EIF3B: variants seen among roughly 807,000 people sequenced by gnomAD.
The protein encoded by EIF3B is eukaryotic translation initiation factor 3 subunit 9.
Under a neutral mutation model 104.6 loss-of-function variants are expected in EIF3B, and 10 were observed. The ratio of observed to expected loss-of-function variants is 0.10; its 90% CI spans 0.06 to 0.16. EIF3B has a LOEUF of 0.16. EIF3B is among the 10% of genes least tolerant of loss of function. EIF3B has a pLI of 1.00. For missense variants in EIF3B, 1,014 were observed against 1,087.9 expected, an observed-to-expected ratio of 0.93 and a Z score of 0.96; for synonymous variants, 542 against 417.2, an observed-to-expected ratio of 1.30 and a Z score of -3.65.
At chr7:2,362,847 G>A (rs1779812871) in intron 3 of EIF3B, 83 bp downstream of exon 3, 7 of 1,580,364 alleles carry the variant, frequency 4.4e-6, no homozygotes, top group Non-Finnish European at 6.0e-6. Context: ...GCTTCTCGGT[G>A]CTGGTGTCTG....
At chr7:2,379,606 G>A (rs1780884829) in intron 18 of EIF3B, 95 bp downstream of exon 18, 2 of 770,980 alleles carry the variant, frequency 2.6e-6, no homozygotes, top group South Asian at 3.3e-5. Context: ...TTTAAGGCAG[G>A]GGTGAAGGGT....
chr7:2,357,512 CT>C (rs1413517962), intron 1 of EIF3B, among the ~76,000 whole-genome samples: 1 of 152,238 alleles, frequency 6.6e-6, no homozygotes, highest in Non-Finnish European at 1.5e-5. Context: ...CCTGGAGTCC[CT>C]GTCTTGCTTT....
In EIF3B at chr7:2,362,819, G is replaced by A. The variant is rs536347353; in HGVS notation, c.812+55G>A. 117 of 1,609,580 alleles carry A rather than the reference G, an allele frequency of 7.3e-5. No homozygotes were observed. In the East Asian group the frequency reaches 2.5e-3, roughly 34 times the overall value. On this transcript the variant is annotated intron_variant, in intron 3 of 18. Transcript: ENST00000360876. ...GACGTTGACGTGCAAGTGACTGGCTGTGTGCGGGTGGCTTGGTGCTTCTCG... is the reference window on the plus strand; with the variant it reads ...GACGTTGACGTGCAAGTGACTGGCTATGTGCGGGTGGCTTGGTGCTTCTCG...
At position 2,379,507 on chromosome 7, in the gene EIF3B, C is replaced by T. The variant is rs757250928; in HGVS notation, c.*10C>T. On this transcript the variant is annotated 3_prime_UTR_variant, in exon 18 of 19. Transcript: ENST00000360876. Reference sequence around the variant, plus strand: ...CGGGAATCAGGAGTGACCTGGAGCACTGTGGTGAGCGTCTGCAGGGGGCGC... The same window carrying T: ...CGGGAATCAGGAGTGACCTGGAGCATTGTGGTGAGCGTCTGCAGGGGGCGC... 6.4e-7 allele frequency: 1 copy of T among 1,558,114 alleles called. No homozygotes were observed. Among genetic ancestry groups the T allele is most frequent in the South Asian group, 1.2e-5 (1 of 84,706 alleles).
At chr7:2,365,286 G>A (rs887603382) in intron 6 of EIF3B, among the ~76,000 whole-genome samples, 1 of 152,228 alleles carries the variant, frequency 6.6e-6, no homozygotes, top group African/African-American at 2.4e-5. Flanking sequence ...CCGGCTGTCG[G>A]AGGCCTGCTA....
At position 2,375,401 on chromosome 7, in the gene EIF3B, C is replaced by T. The variant is rs1780576612; in HGVS notation, c.1902C>T (p.Ala634=). 6.2e-7 allele frequency: 1 copy of T among 1,614,198 alleles called. No individual in the cohort carries two copies. Among genetic ancestry groups the T allele is most frequent in the African/African-American group, 1.3e-5 (1 of 75,050 alleles). The change falls in exon 14 of 19, where the codon GCC becomes GCT. Residue 634 remains alanine (A), a synonymous_variant. Coordinates refer to ENST00000360876, the MANE Select transcript of EIF3B (RefSeq NM_001037283.2). ...TCTGTCTTTGCAGTATGAACGGTGCCTTAGCGTTTGTGGACACTTCGGACT... is the reference window on the plus strand; with the variant it reads ...TCTGTCTTTGCAGTATGAACGGTGCTTTAGCGTTTGTGGACACTTCGGACT... ...VLAGLRSMNG[A]LAFVDTSDCT...
At chr7:2,371,878 G>A (rs756902192) in intron 11 of EIF3B, 29 bp downstream of exon 11, 14 of 1,562,240 alleles carry the variant, frequency 9.0e-6, no homozygotes, top group East Asian at 4.5e-5. Flanking sequence ...ACTTTGAGGC[G>A]AATGGGGCCT....
Position 2,360,881 on chromosome 7 carries a change from A to C in EIF3B, c.671A>C (p.Glu224Ala), listed in dbSNP as rs1583153185. 1 of 1,612,836 alleles carries C rather than the reference A, an allele frequency of 6.2e-7. No homozygotes were observed. ...FGKITNDFYP[E>A]EDGKTKGYIF... The stretch of plus-strand genomic sequence containing the variant: ...AAAATCACAAATGATTTTTATCCTG[A>C]AGAGGATGGGAAGACAAAAGGGTGA... Residue 224 changes from glutamate (E) to alanine (A), a missense_variant, in exon 2 of 19, where the codon GAA becomes GCA. Transcript: ENST00000360876.
intron 6 of EIF3B, among the ~76,000 whole-genome samples, chr7:2,365,308 G>C (rs1349091061): frequency 6.6e-6 from 1 of 152,164 alleles, no homozygotes; most frequent in African/African-American, 2.4e-5. Context: ...GGAAAGGGGC[G>C]GTTGTGGGAG....
rs776728831 is a variant in EIF3B, at chr7:2,380,230, C to T, written c.*41C>T. On this transcript the variant is annotated 3_prime_UTR_variant, in exon 19 of 19. Coordinates refer to ENST00000360876, the MANE Select transcript of EIF3B (RefSeq NM_001037283.2). ...GGACGGACTCCGCCTGCTGTTCCCG[C>T]GCTGAGCTACAGGACTCCCGAGTGT... The T allele has an allele frequency of 5.8e-5, 25 of 427,580 alleles. No homozygotes were observed. The highest frequency in any genetic ancestry group is 2.8e-4 in the African/African-American group (14 of 49,490). The allele number at this position is 427,580 out of a possible 1,614,324, so 26.5% of individuals were successfully genotyped here.
Position 2,363,728 on chromosome 7 carries a change from G to C in EIF3B, c.967G>C (p.Val323Leu). ...CCGCACTTCCATATTCTGGAATGAC[G>C]TAAAAGACCCTGTCTCAATTGAAGA... ...GDRTSIFWND[V>L]KDPVSIEERA... The change falls in exon 5 of 19, where the codon GTA (valine) becomes CTA (leucine). Residue 323 changes from valine (V) to leucine (L), a missense_variant. By Grantham distance (32) the Val-to-Leu change is conservative. Coordinates refer to ENST00000360876, the MANE Select transcript of EIF3B (RefSeq NM_001037283.2). 6.2e-7 allele frequency: 1 copy of C among 1,614,034 alleles called. No homozygotes were observed. The highest frequency in any genetic ancestry group is 8.5e-7 in the Non-Finnish European group (1 of 1,179,998).
intron 6 of EIF3B, 65 bp from the exon 7 acceptor site, chr7:2,366,252 G>A (rs1386825406): frequency 6.7e-6 from 10 of 1,499,528 alleles, no homozygotes; most frequent in Admixed American, 4.4e-5. Flanking sequence ...TGTTCTGGCC[G>A]CACAGACAGA....
chr7:2,374,490 C>T (rs772997702), intron 12 of EIF3B, 38 bp from the exon 13 acceptor site: 6 of 1,606,084 alleles, frequency 3.7e-6, no homozygotes, highest in Non-Finnish European at 3.4e-6. Context: ...ACTGTGGAAG[C>T]CCTCGCAGCT....
intron 18 of EIF3B, 153 bp downstream of exon 18, chr7:2,379,664 T>A: frequency 1.6e-6 from 1 of 624,488 alleles, no homozygotes; most frequent in Non-Finnish European, 2.8e-6. Context: ...TCGTGTGAAA[T>A]GTAGAGTCGG....
chr7:2,379,220 C>G lies in EIF3B; in HGVS notation c.2319C>G (p.Asn773Lys), dbSNP rs756242706. 1.2e-6 allele frequency: 2 copies of G among 1,613,146 alleles called. No individual in the cohort carries two copies. The highest frequency in any genetic ancestry group is 1.1e-5 in the South Asian group (1 of 90,900). ...AGGAGCTCTATATGGAGCAGAAAAA[C>G]GAGCGCCTGGAGTTGCGAGGAGGTA... is the stretch of plus-strand genomic sequence containing the variant. ...MAQELYMEQK[N>K]ERLELRGGVD... Residue 773 changes from asparagine to lysine, a missense_variant, in exon 17 of 19, where the codon AAC becomes AAG. Transcript: ENST00000360876.
At chr7:2,371,450 C>T (rs913696725) in intron 10 of EIF3B, among the ~76,000 whole-genome samples, 1 of 152,224 alleles carries the variant, frequency 6.6e-6, no homozygotes, top group Non-Finnish European at 1.5e-5. Context: ...CCTTTAGGGC[C>T]CTCAGGACCC....
At chr7:2,377,199 A>AT in intron 15 of EIF3B, 124 bp downstream of exon 15, 1 of 1,312,950 alleles carries the variant, frequency 7.6e-7, no homozygotes, top group Non-Finnish European at 1.0e-6. Flanking sequence ...ATTTGCAAGG[A>AT]TTCTTTGAAG....
At chr7:2,371,648 C>A in intron 10 of EIF3B, 129 bp from the exon 11 acceptor site, 1 of 740,932 alleles carries the variant, frequency 1.3e-6, no homozygotes, top group Non-Finnish European at 2.4e-6. Context: ...GCTTTCATCA[C>A]TGCACATGCT....
At position 2,369,558 on chromosome 7, in the gene EIF3B, A is replaced by T; in HGVS notation, c.1490A>T (p.Gln497Leu). 1 of 1,614,126 alleles carries T rather than the reference A, an allele frequency of 6.2e-7. No homozygotes were observed. The highest frequency in any genetic ancestry group is 8.5e-7 in the Non-Finnish European group (1 of 1,180,032). The change falls in exon 10 of 19, where the codon CAG (glutamine) becomes CTG (leucine). Residue 497 changes from glutamine (Q) to leucine (L), a missense_variant. This residue lies in a region of EIF3B where 59 missense variants were observed against 118.8 expected (regional missense o/e 0.50). Coordinates refer to ENST00000360876, the MANE Select transcript of EIF3B (RefSeq NM_001037283.2). ...KDIPARVTLM[Q>L]LPTRQEIRVR... is the part of the protein sequence containing the mutation. The stretch of plus-strand genomic sequence containing the variant: ...ATTCCAGCCAGGGTAACCCTGATGC[A>T]GCTCCCTACCAGGCAAGAGATCCGA...
Sources: allele counts gnomAD v4.1 joint callset (sites outside exome capture counted in the v4.1 genomes callset), GRCh38; gene constraint gnomAD v4.1.1; regional missense constraint gnomAD v4.1.1; transcripts MANE v1.5; gene names NCBI Gene and HGNC (gene_info 2026-07-23, HGNC 2026-07-21).